KANK3: variants seen among roughly 807,000 people sequenced by gnomAD.
KANK3 encodes KN motif and ankyrin repeat domain-containing protein 3.
KANK3 carries 61 observed loss-of-function variants against 65.4 expected under a neutral mutation model. That is an observed-to-expected ratio of 0.93 (90% CI 0.76 to 1.15). The LOEUF is 1.15. KANK3 is among the 50% of genes most tolerant of loss of function. The pLI, the probability that KANK3 is intolerant of heterozygous loss-of-function variation, is 0.00. For synonymous variants in KANK3, 586 were observed against 543.3 expected, an observed-to-expected ratio of 1.08 and a Z score of -1.09; for missense variants, 1,187 against 1,178.8, an observed-to-expected ratio of 1.01 and a Z score of -0.10.
chr19:8,330,728 C>CAAA (rs74176639), intron 7 of KANK3, among the ~76,000 whole-genome samples: 2 of 145,362 alleles, frequency 1.4e-5, no homozygotes, highest in African/African-American at 2.5e-5. Flanking sequence ...AACTCCATCT[C>CAAA]AAAAAAAAAA....
At chr19:8,339,103 T>C (rs1329285566) in intron 1 of KANK3, among the ~76,000 whole-genome samples, 1 of 152,068 alleles carries the variant, frequency 6.6e-6, no homozygotes, top group African/African-American at 2.4e-5. Context: ...ACACCTGGGT[T>C]GTCAGAGCTG....
Position 8,335,034 on chromosome 19 carries a change from C to A in KANK3, c.793G>T (p.Ala265Ser). Residue 265 changes from alanine to serine, a missense_variant, in exon 3 of 11, where the codon GCC becomes TCC. By Grantham distance (99) the Ala-to-Ser change is moderately conservative. Coordinates refer to ENST00000330915, the MANE Select transcript of KANK3 (RefSeq NM_198471.3). ...TCTGGGCTGTCAGCCCGGGGGCTGG[C>A]CCTGGCACGGCCGCCGCGCTCGGAG... ...ATSERGGRAR[A>S]SPRADSPDGL... 1 of 1,392,950 alleles carries A rather than the reference C, an allele frequency of 7.2e-7. No individual in the cohort carries two copies. 86.3% of individuals were successfully genotyped at this position (1,392,950 alleles called of 1,614,324 possible).
Position 8,334,900 on chromosome 19 carries a change from G to A in KANK3, c.927C>T (p.Pro309=), listed in dbSNP as rs781014255. Residue 309 remains proline (P), a synonymous_variant, in exon 3 of 11, where the codon CCC becomes CCT. Transcript: ENST00000330915. ...CCTGGGCACCCGCTTCTCGGGTCTC[G>A]GGCACGGCCTCGGCGGCCACCTCCC... ...QTREVAAEAV[P]ETREAGAQAV... 3.8e-5 allele frequency: 55 copies of A among 1,457,916 alleles called. No individual in the cohort carries two copies. The highest frequency in any genetic ancestry group is 4.9e-5 in the Non-Finnish European group (55 of 1,114,742). The allele number at this position is 1,457,916 out of a possible 1,614,324, so 90.3% of individuals were successfully genotyped here.
intron 1 of KANK3, among the ~76,000 whole-genome samples, chr19:8,338,910 G>A (rs1342692969): frequency 7.2e-6 from 1 of 138,938 alleles, no homozygotes; most frequent in African/African-American, 2.6e-5. Context: ...GGATGTAATT[G>A]TGCATCCAAA....
In KANK3 at chr19:8,324,788, G is replaced by A; in HGVS notation, c.2125C>T (p.Gln709Ter). The change falls in exon 9 of 11, where the codon CAG becomes TAG. Residue 709 changes from glutamine to a stop codon, truncating the protein, a stop_gained. Coordinates refer to ENST00000330915, the MANE Select transcript of KANK3 (RefSeq NM_198471.3). LOFTEE classifies it high-confidence loss of function. ...GCCAGTAGGGTTGCCACCATGTCCT[G>A]TCGGCCATGGCTGATGGCCAGCATG... is the stretch of plus-strand genomic sequence containing the variant. Reference protein sequence around the residue: ...ALMLAISHGRQDMVATLLACG... With the variant: ...ALMLAISHGR The A allele has an allele frequency of 6.2e-7, 1 of 1,613,740 alleles. No homozygotes were observed. Among genetic ancestry groups the A allele is most frequent in the South Asian group, 1.1e-5 (1 of 91,084 alleles).
chr19:8,335,596 C>A lies in KANK3; in HGVS notation c.231G>T (p.Arg77=). 1 of 1,229,224 alleles carries A rather than the reference C, an allele frequency of 8.1e-7. No homozygotes were observed. The highest frequency in any genetic ancestry group is 3.3e-5 in the East Asian group (1 of 30,320). The allele number at this position is 1,229,224 out of a possible 1,614,324, so 76.1% of individuals were successfully genotyped here. A position where few individuals can be genotyped will look rare whatever the true frequency, so the allele number is the denominator to read the frequency against. ...PPTSRRPRAP[R]PGLAGARSPG... Reference sequence around the variant, plus strand: ...GGCTACGTGCGCCCGCGAGGCCGGGCCGGGGCGCGCGGGGACGGCGCGAGG... The same window carrying A: ...GGCTACGTGCGCCCGCGAGGCCGGGACGGGGCGCGCGGGGACGGCGCGAGG... The change falls in exon 3 of 11, where the codon CGG becomes CGT. Residue 77 remains arginine (R), a synonymous_variant. Coordinates refer to ENST00000330915, the MANE Select transcript of KANK3 (RefSeq NM_198471.3).
intron 7 of KANK3, among the ~76,000 whole-genome samples, chr19:8,325,836 A>G (rs962114230): frequency 7.9e-5 from 12 of 151,572 alleles, no homozygotes; most frequent in Admixed American, 5.3e-4. Flanking sequence ...GCAACTATTT[A>G]TTTATTTAGA....
At chr19:8,334,150 C>T (rs759567371) in intron 4 of KANK3, 34 bp from the exon 5 acceptor site, 50 of 1,490,428 alleles carry the variant, frequency 3.4e-5, no homozygotes, top group African/African-American at 4.2e-5. Context: ...TGCTAAACCT[C>T]CCCTGTGGGC....
At chr19:8,332,816 AAAAAT>A (rs71175837) in intron 7 of KANK3, 193 bp downstream of exon 7, 143,846 of 239,336 alleles carry the variant, frequency 0.6, 44,484 homozygotes, top group African/African-American at 0.72. Flanking sequence ...ACTCCGTCTC[AAAAAT>A]AAAATAAAAT....
intron 7 of KANK3, among the ~76,000 whole-genome samples, chr19:8,331,395 A>G (rs1448490191): frequency 6.6e-6 from 1 of 151,910 alleles, no homozygotes; most frequent in Admixed American, 6.6e-5. Context: ...CCCAGCTTCC[A>G]GAGCAGCTAT....
At position 8,335,630 on chromosome 19, in the gene KANK3, C is replaced by G. The variant is rs948764458; in HGVS notation, c.197G>C (p.Gly66Ala). 7 of 1,243,564 alleles carry G rather than the reference C, an allele frequency of 5.6e-6. No homozygotes were observed. The East Asian group carries it at 2.2e-4, about 39-fold the overall frequency. 77.0% of individuals were successfully genotyped at this position (1,243,564 alleles called of 1,614,324 possible). The change falls in exon 3 of 11, where the codon GGA becomes GCA. Residue 66 changes from glycine (G) to alanine (A), a missense_variant. Gly to Ala is a moderately conservative substitution (Grantham distance 60, BLOSUM62 0). Transcript: ENST00000330915. ...GCGGGGACGGCGCGAGGTCGGGGGT[C>G]CCGGGGCGCGGCGGGCAGCGGGGCC... ...ERGPAARRAP[G>A]PPTSRRPRAP...
In KANK3 at chr19:8,334,751, C is replaced by T. The variant is rs890853; in HGVS notation, c.1076G>A (p.Arg359His). 0.24 allele frequency: 363,598 copies of T among 1,525,388 alleles called. 45,416 individuals are homozygous for T. Among genetic ancestry groups the T allele is most frequent in the Admixed American group, 0.37 (18,430 of 50,342 alleles). 94.5% of individuals were successfully genotyped at this position (1,525,388 alleles called of 1,614,324 possible). A position where few individuals can be genotyped will look rare whatever the true frequency, so the allele number is the denominator to read the frequency against. The change falls in exon 3 of 11, where the codon CGC becomes CAC. Residue 359 changes from arginine to histidine, a missense_variant. Arg to His is a conservative substitution (Grantham distance 29, BLOSUM62 0). Around this residue, in one of 3 missense-constraint regions of KANK3, gnomAD observed 1,078 missense variants for 1,038.2 expected, o/e 1.04. Transcript: ENST00000330915. ...CCCGCGCTGGTGCTCCAGACTGGCGCGCAGCAGCTCTAGCTCGCGCTCGGC... is the reference window on the plus strand; with the variant it reads ...CCCGCGCTGGTGCTCCAGACTGGCGTGCAGCAGCTCTAGCTCGCGCTCGGC... ...AAAERELELLRASLEHQRGVS... is the reference protein window; with the variant it reads ...AAAERELELLHASLEHQRGVS...
At position 8,335,411 on chromosome 19, in the gene KANK3, C is replaced by A. The variant is rs1970618681; in HGVS notation, c.416G>T (p.Arg139Leu). The change falls in exon 3 of 11, where the codon CGG (arginine) becomes CTG (leucine). Residue 139 changes from arginine to leucine, a missense_variant. Physicochemically the swap from Arg to Leu is moderately radical, Grantham distance 102. Transcript: ENST00000330915. ...RVEHTLRETS[R>L]RLELAQTHER... ...GTGTGTCTGCGCCAGCTCCAGCCGC[C>A]GGCTGGTCTCCCGGAGCGTGTGCTC... The A allele has an allele frequency of 1.7e-6, 2 of 1,204,706 alleles. No homozygotes were observed. The highest frequency in any genetic ancestry group is 4.0e-5 in the South Asian group (1 of 25,312). 74.6% of individuals were successfully genotyped at this position (1,204,706 alleles called of 1,614,324 possible).
In KANK3 at chr19:8,324,448, C is replaced by G. The variant is rs764603120; in HGVS notation, c.2382+1G>C. ...TTTGTTTCTTCCAGAGCTGTGCTCA[C>G]CTGGGTGTCGGGCTGGCCCGAGCTC... On this transcript the variant is annotated splice_donor_variant, in intron 10 of 10. Coordinates refer to ENST00000330915, the MANE Select transcript of KANK3 (RefSeq NM_198471.3). LOFTEE classifies it high-confidence loss of function. 5.0e-6 allele frequency: 8 copies of G among 1,596,962 alleles called. No individual in the cohort carries two copies. Among genetic ancestry groups the G allele is most frequent in the Non-Finnish European group, 6.8e-6 (8 of 1,171,732 alleles).
chr19:8,337,719 C>T (rs737229), intron 2 of KANK3, 76 bp downstream of exon 2: 172,071 of 1,530,084 alleles, frequency 0.11, 10,553 homozygotes, highest in African/African-American at 0.21. Flanking sequence ...CTGTAGGCTG[C>T]GTCCACACAC....
chr19:8,332,085 C>G lies in KANK3; in HGVS notation c.1936+929G>C, dbSNP rs547406139. Among the ~76,000 whole-genome samples the G allele has an allele frequency of 4.8e-5, 7 of 145,472 alleles. No homozygotes were observed. In the East Asian group the frequency reaches 1.4e-3, roughly 30 times the overall value. On this transcript the variant is annotated intron_variant, in intron 7 of 10. Coordinates refer to ENST00000330915, the MANE Select transcript of KANK3 (RefSeq NM_198471.3). Reference sequence around the variant, plus strand: ...CTTGGCTTACTGCAACCTCTGCCTCCTGGGTTCAAGTAATCCTCGCACCTC... The same window carrying G: ...CTTGGCTTACTGCAACCTCTGCCTCGTGGGTTCAAGTAATCCTCGCACCTC...
At chr19:8,329,032 G>C (rs564478303) in intron 7 of KANK3, among the ~76,000 whole-genome samples, 3 of 151,008 alleles carry the variant, frequency 2.0e-5, no homozygotes, top group African/African-American at 4.9e-5. Context: ...TTAGCCGGGC[G>C]TGGTGGCGGA....
At position 8,322,940 on chromosome 19, in the gene KANK3, GA is replaced by G. The variant is rs767140684; in HGVS notation, c.2383-19del. 4.4e-6 allele frequency: 6 copies of G among 1,378,960 alleles called. No individual in the cohort carries two copies. The East Asian group carries it at 1.6e-4, about 36-fold the overall frequency. The allele number at this position is 1,378,960 out of a possible 1,614,324, so 85.4% of individuals were successfully genotyped here. ...GACTCGCTCTGGAGAGAGGGGAAAA[GA>G]GGGGGGCCTGCTGCAATCTCCTTGA... On this transcript the variant is annotated intron_variant, in intron 10 of 10. Coordinates refer to ENST00000330915, the MANE Select transcript of KANK3 (RefSeq NM_198471.3).
chr19:8,333,015 C>A lies in KANK3; in HGVS notation c.1935G>T (p.Thr645=), dbSNP rs1970555637. 12 of 1,324,428 alleles carry A rather than the reference C, an allele frequency of 9.1e-6. No individual in the cohort carries two copies. Among genetic ancestry groups the A allele is most frequent in the East Asian group, 3.4e-5 (1 of 29,556 alleles). 82.0% of individuals were successfully genotyped at this position (1,324,428 alleles called of 1,614,324 possible). A position where few individuals can be genotyped will look rare whatever the true frequency, so the allele number is the denominator to read the frequency against. The part of the protein sequence containing the change: ...NLAIASLLLD[T]GACEVNRQNR... ...CACCCACCCTCCCTTGGCTCTGACC[C>A]GTATCCAGGAGCAGGCTTGCGATGG... Residue 645 remains threonine, a splice_region_variant and synonymous_variant, in exon 7 of 11, where the codon ACG becomes ACT. Coordinates refer to ENST00000330915, the MANE Select transcript of KANK3 (RefSeq NM_198471.3). The surrounding 1 kb of genome is among the most constrained non-coding windows in gnomAD (Gnocchi z 5.0).
Sources: gnomAD v4.1 joint callset for allele counts (sites outside exome capture counted in the v4.1 genomes callset) on GRCh38, gnomAD v4.1.1 for gene constraint, gnomAD v4.1.1 regional missense constraint, Gnocchi (gnomAD v3.1) non-coding constraint, MANE v1.5 for transcripts, NCBI Gene and HGNC (gene_info 2026-07-23, HGNC 2026-07-21) for gene names.